Variants in KYAT1 observed in about 807,000 individuals in gnomAD.
KYAT1 encodes the protein kynurenine aminotransferase 1, also known as kynurenine--oxoglutarate transaminase 1.
KYAT1 carries 47 observed loss-of-function variants against 52.4 expected under a neutral mutation model. The observed-to-expected ratio is 0.90, with a 90% CI of 0.71 to 1.14. The LOEUF is 1.14. Ranked by LOEUF, KYAT1 falls within the 50% of genes most tolerant of loss-of-function variation. KYAT1 has a pLI of 0.00. For missense variants in KYAT1, 480 were observed against 557.9 expected, an observed-to-expected ratio of 0.86 and a Z score of 1.41; for synonymous variants, 212 against 209.6, an observed-to-expected ratio of 1.01 and a Z score of -0.10.
At chr9:128,858,901 G>T (rs964038805) in intron 1 of KYAT1, among the ~76,000 whole-genome samples, 2 of 151,090 alleles carry the variant, frequency 1.3e-5, no homozygotes, top group Admixed American at 6.6e-5. Flanking sequence ...CCAGCTACTC[G>T]GGAGGCTGAG....
chr9:128,845,459 A>G, intron 1 of KYAT1, 48 bp from the exon 2 acceptor site: 1 of 1,582,812 alleles, frequency 6.3e-7, no homozygotes, highest in Non-Finnish European at 8.7e-7. Context: ...GTCTGGGTGC[A>G]GCAGTCCGAG....
intron 3 of KYAT1, among the ~76,000 whole-genome samples, chr9:128,841,737 C>T (rs980735130): frequency 2.6e-5 from 4 of 151,196 alleles, no homozygotes; most frequent in Non-Finnish European, 4.4e-5. Flanking sequence ...GTGGCTCACG[C>T]CTGTAATCCC....
chr9:128,851,556 A>G (rs1469472744), intron 1 of KYAT1, among the ~76,000 whole-genome samples: 2 of 152,190 alleles, frequency 1.3e-5, no homozygotes, highest in Non-Finnish European at 2.9e-5. Flanking sequence ...TTGGGAAAAA[A>G]TTGGCAAGGA....
intron 3 of KYAT1, among the ~76,000 whole-genome samples, chr9:128,840,089 T>C (rs2119042808): frequency 6.6e-6 from 1 of 152,034 alleles, no homozygotes; most frequent in East Asian, 1.9e-4. Context: ...AAAGGCACCA[T>C]GAGCAAGGTC....
At chr9:128,847,585 A>C in intron 1 of KYAT1, 3 of 1,322,778 alleles carry the variant, frequency 2.3e-6, no homozygotes, top group African/African-American at 1.5e-5. Flanking sequence ...AGAAGGGAGG[A>C]AACAGCCCTG....
intron 1 of KYAT1, among the ~76,000 whole-genome samples, chr9:128,849,229 T>C (rs1323645996): frequency 6.7e-6 from 1 of 149,748 alleles, no homozygotes; most frequent in Non-Finnish European, 1.5e-5. Flanking sequence ...CTGGTCAACA[T>C]GGTGAAACCC....
intron 1 of KYAT1, among the ~76,000 whole-genome samples, chr9:128,866,081 A>G (rs1162506165): frequency 1.3e-5 from 2 of 152,154 alleles, no homozygotes; most frequent in Admixed American, 6.5e-5. Flanking sequence ...GTGAATTCCT[A>G]TTATGTGCTA....
rs756834431 is a variant in KYAT1, at chr9:128,835,332, G to C, written c.1113C>G (p.Ile371Met). The part of the protein sequence containing the change: ...PYDRRFVKWM[I>M]KNKGLVAIPV... The stretch of plus-strand genomic sequence containing the variant: ...CAGAGGCCCAGCCCACCTTGTTCTT[G>C]ATCATCCACTTGACGAAGCGTCTGT... The change falls in exon 11 of 13, where the codon ATC becomes ATG. Residue 371 changes from isoleucine to methionine, a missense_variant. Physicochemically the swap from Ile to Met is conservative, Grantham distance 10. Transcript: ENST00000302586. 54 of 1,613,546 alleles carry C rather than the reference G, an allele frequency of 3.3e-5. No homozygotes were observed. The highest frequency in any genetic ancestry group is 4.3e-5 in the Non-Finnish European group (51 of 1,179,794).
At position 128,836,069 on chromosome 9, in the gene KYAT1, G is replaced by C; in HGVS notation, c.693C>G (p.Ser231Arg). 6.2e-7 allele frequency: 1 copy of C among 1,613,842 alleles called. No individual in the cohort carries two copies. Residue 231 changes from serine (S) to arginine (R), a missense_variant, in exon 8 of 13, where the codon AGC becomes AGG. Physicochemically the swap from Ser to Arg is moderately radical, Grantham distance 110. Coordinates refer to ENST00000302586, the MANE Select transcript of KYAT1 (RefSeq NM_004059.5). The part of the protein sequence containing the change: ...YDGHQHISIA[S>R]LPGMWERTLT... ...GGGTCCGTTCCCACATGCCAGGGAG[G>C]CTGGCTGCCCAAGGCCGAACAGAAC...
intron 1 of KYAT1, among the ~76,000 whole-genome samples, chr9:128,857,341 A>G (rs528249923): frequency 3.3e-4 from 50 of 152,290 alleles, no homozygotes; most frequent in Middle Eastern, 3.4e-3. Context: ...GCTGCTTGCC[A>G]GTCTCCTGGG....
At chr9:128,877,869 G>A (rs961178554) in intron 1 of KYAT1, among the ~76,000 whole-genome samples, 1 of 152,160 alleles carries the variant, frequency 6.6e-6, no homozygotes, top group African/African-American at 2.4e-5. Flanking sequence ...AACACACATC[G>A]TGGCACCTCT....
chr9:128,876,369 G>A (rs1260137479), intron 1 of KYAT1, among the ~76,000 whole-genome samples: 1 of 150,460 alleles, frequency 6.6e-6, no homozygotes, highest in African/African-American at 2.4e-5. Flanking sequence ...TTACAGCTTG[G>A]ATTATAGGCA....
chr9:128,844,386 A>T (rs1832735022), intron 2 of KYAT1, among the ~76,000 whole-genome samples: 1 of 152,212 alleles, frequency 6.6e-6, no homozygotes, highest in South Asian at 2.1e-4. Context: ...TTCTCTAAAG[A>T]TATAAAAATT....
chr9:128,857,591 C>T (rs1834837217), intron 1 of KYAT1, among the ~76,000 whole-genome samples: 1 of 152,174 alleles, frequency 6.6e-6, no homozygotes. Flanking sequence ...AATCCCAGCA[C>T]TTTGGGAGGC....
intron 1 of KYAT1, among the ~76,000 whole-genome samples, chr9:128,878,140 CT>C (rs761966009): frequency 2.6e-3 from 377 of 145,564 alleles, no homozygotes; most frequent in South Asian, 9.6e-3. Context: ...AAGCTATTAA[CT>C]TTTTTTTTTT....
At chr9:128,868,974 G>A (rs1190731686) in intron 1 of KYAT1, among the ~76,000 whole-genome samples, 1 of 152,058 alleles carries the variant, frequency 6.6e-6, no homozygotes, top group Non-Finnish European at 1.5e-5. Context: ...AAAGTGTTAG[G>A]ATTACAGGTG....
chr9:128,881,689 C>G (rs1554819841), intron 1 of KYAT1, among the ~76,000 whole-genome samples: 1 of 152,138 alleles, frequency 6.6e-6, no homozygotes, highest in Non-Finnish European at 1.5e-5. Flanking sequence ...CAGACAGGAC[C>G]AGCCCCAGTG....
chr9:128,844,551 G>A (rs906875189), intron 2 of KYAT1, among the ~76,000 whole-genome samples: 4 of 151,946 alleles, frequency 2.6e-5, no homozygotes, highest in African/African-American at 9.7e-5. Context: ...TTAGCTGGGC[G>A]TGGTGGCGCA....
At chr9:128,865,340 TATATATATATATA>T (rs1836157383) in intron 1 of KYAT1, among the ~76,000 whole-genome samples, 8 of 2,210 alleles carry the variant, frequency 3.6e-3, no homozygotes, top group Admixed American at 7.6e-3. Flanking sequence ...TATATATATA[TATATATATATATA>T]TATATATTTT....
Sources: allele counts gnomAD v4.1 joint callset (sites outside exome capture counted in the v4.1 genomes callset), GRCh38; gene constraint gnomAD v4.1.1; transcripts MANE v1.5; gene names NCBI Gene and HGNC (gene_info 2026-07-23, HGNC 2026-07-21).